GLDN: variants seen among roughly 807,000 people sequenced by gnomAD.
The protein encoded by GLDN is collomin.
Under a neutral mutation model 56.5 loss-of-function variants are expected in GLDN, and 47 were observed. That is an observed-to-expected ratio of 0.83 (90% CI 0.66 to 1.06). The LOEUF (loss-of-function observed/expected upper bound fraction) is 1.06. Ranked by LOEUF, GLDN falls within the 50% of genes least tolerant of loss-of-function variation. The probability of loss-of-function intolerance (pLI) is 0.00; values close to 1 mark genes in which losing one functional copy is unlikely to be tolerated. For synonymous variants in GLDN, 332 were observed against 278.8 expected (o/e 1.19, Z -1.90); for missense variants, 782 against 714.3 (o/e 1.09, Z -1.08).
chr15:51,342,139 C>T, intron 1 of GLDN, 92 bp downstream of exon 1: 2 of 1,148,494 alleles, frequency 1.7e-6, no homozygotes, highest in Non-Finnish European at 2.3e-6. Flanking sequence ...CTCCCCTGGC[C>T]AGGCTGCGAG....
At chr15:51,353,821 A>G (rs2037124709) in intron 1 of GLDN, among the ~76,000 whole-genome samples, 1 of 151,788 alleles carries the variant, frequency 6.6e-6, no homozygotes, top group African/African-American at 2.4e-5. Context: ...ACCACACACA[A>G]AAAAGAAATT....
Position 51,390,577 on chromosome 15 carries a change from C to T in GLDN, c.542-4258C>T, listed in dbSNP as rs541948952. ...AAAAACAGAAATGAAAGCCCTCCTC[C>T]GTATTTGTGTCTCAGGACTGGGTTT... On this transcript the variant is annotated intron_variant, in intron 4 of 9. Transcript: ENST00000335449. Among the ~76,000 whole-genome samples, 24 of 152,264 alleles carry T rather than the reference C, an allele frequency of 1.6e-4. No individual in the cohort carries two copies. The South Asian group carries it at 1.7e-3, about 11-fold the overall frequency.
At position 51,341,724 on chromosome 15, in the gene GLDN, TG is replaced by T; in HGVS notation, c.44del (p.Gly15AlafsTer30). 1 of 1,446,938 alleles carries T rather than the reference TG, an allele frequency of 6.9e-7. No individual in the cohort carries two copies. 89.6% of individuals were successfully genotyped at this position (1,446,938 alleles called of 1,614,324 possible). A position where few individuals can be genotyped will look rare whatever the true frequency, so the allele number is the denominator to read the frequency against. On this transcript the variant is annotated frameshift_variant, in exon 1 of 10. Coordinates refer to ENST00000335449, the MANE Select transcript of GLDN (RefSeq NM_181789.4). LOFTEE classifies it high-confidence loss of function. ...GAEGGRGDAGWGLRGALAAVA... is the reference protein window; with the variant it reads ...GAEGGRGDAGXGLRGALAAVA... ...TGAGGGAGGCCGTGGGGACGCGGGT[TG>T]GGGCCTGCGTGGCGCCCTGGCGGCC...
At chr15:51,403,438 T>C (rs1436400775) in intron 9 of GLDN, among the ~76,000 whole-genome samples, 1 of 152,236 alleles carries the variant, frequency 6.6e-6, no homozygotes, top group East Asian at 1.9e-4. Context: ...ACACAGTTCA[T>C]GTTTCTTCTG....
intron 2 of GLDN, among the ~76,000 whole-genome samples, chr15:51,383,002 C>T (rs1367698316): frequency 6.6e-6 from 1 of 152,154 alleles, no homozygotes; most frequent in African/African-American, 2.4e-5. Context: ...CCCCCAGTGG[C>T]TCAGATGAGA....
chr15:51,357,983 C>G lies in GLDN; in HGVS notation c.363+15936C>G, dbSNP rs551913543. 4.6e-5 allele frequency among the ~76,000 whole-genome samples: 7 copies of G among 152,190 alleles called. No homozygotes were observed. In the East Asian group the frequency reaches 1.2e-3, roughly 25 times the overall value. On this transcript the variant is annotated intron_variant, in intron 1 of 9. Coordinates refer to ENST00000335449, the MANE Select transcript of GLDN (RefSeq NM_181789.4). ...CGTACCCTGTACCCTAGGCACTATC[C>G]GGGACATCAAAAGGCGTGTCAGTGG...
At chr15:51,411,878 A>G (rs1293463332), downstream of GLDN, among the ~76,000 whole-genome samples, 2 of 152,258 alleles carry the variant, frequency 1.3e-5, no homozygotes, top group African/African-American at 4.8e-5. Context: ...ATGCTACCTC[A>G]AATTGTACTT....
rs564149699 is a variant in GLDN, at chr15:51,377,313, G to A, written c.364-136G>A. 35 of 647,270 alleles carry A rather than the reference G, an allele frequency of 5.4e-5. 1 individual carries two copies. Among genetic ancestry groups the A allele is most frequent in the South Asian group, 3.1e-4 (16 of 52,280 alleles). 40.1% of individuals were successfully genotyped at this position (647,270 alleles called of 1,614,324 possible). On this transcript the variant is annotated intron_variant, in intron 1 of 9. Transcript: ENST00000335449. ...GCATCACTAGGTGGGACATCACTGC[G>A]TTTTCCTTGAACTTCCGCGGGTTCT...
At position 51,361,249 on chromosome 15, in the gene GLDN, T is replaced by A. The variant is rs147641157; in HGVS notation, c.364-16200T>A. 1.6e-4 allele frequency among the ~76,000 whole-genome samples: 24 copies of A among 152,322 alleles called. 1 individual carries two copies. The highest frequency in any genetic ancestry group is 5.3e-4 in the African/African-American group (22 of 41,570). On this transcript the variant is annotated intron_variant, in intron 1 of 9. Coordinates refer to ENST00000335449, the MANE Select transcript of GLDN (RefSeq NM_181789.4). ...CTTATTTGTGTCATACAACTCAAAC[T>A]TTGGTTTTCTACAATTTTGGCCTCT...
chr15:51,386,394 G>T (rs2037894223), intron 4 of GLDN, among the ~76,000 whole-genome samples: 1 of 152,134 alleles, frequency 6.6e-6, no homozygotes, highest in Non-Finnish European at 1.5e-5. Flanking sequence ...CACTGCTGAG[G>T]CCCCGAGGCT....
At chr15:51,377,020 A>G (rs973332715) in intron 1 of GLDN, among the ~76,000 whole-genome samples, 1 of 152,216 alleles carries the variant, frequency 6.6e-6, no homozygotes, top group East Asian at 1.9e-4. Context: ...TCAGCTGGAA[A>G]CTTTTTAAAA....
intron 1 of GLDN, among the ~76,000 whole-genome samples, chr15:51,349,077 T>C (rs2037029816): frequency 6.6e-6 from 1 of 152,260 alleles, no homozygotes; most frequent in Non-Finnish European, 1.5e-5. Flanking sequence ...TTCAAAAGCA[T>C]GTACTCCCGA....
At chr15:51,351,287 A>C (rs1222586377) in intron 1 of GLDN, 1 of 161,296 alleles carries the variant, frequency 6.2e-6, no homozygotes, top group Non-Finnish European at 1.4e-5. Flanking sequence ...CCGGGATTAC[A>C]GGCATGAGTC....
intron 1 of GLDN, among the ~76,000 whole-genome samples, chr15:51,350,651 C>T (rs946782199): frequency 6.6e-6 from 1 of 152,162 alleles, no homozygotes; most frequent in Non-Finnish European, 1.5e-5. Context: ...GGGAACACAC[C>T]TATAAGCCTA....
chr15:51,413,354 C>A, the GLDN span, among the ~76,000 whole-genome samples: 2 of 152,106 alleles, frequency 1.3e-5, no homozygotes, highest in African/African-American at 4.8e-5. Flanking sequence ...CTTAAGAAGC[C>A]AAAAAATCAG....
Position 51,368,719 on chromosome 15 carries a change from A to G in GLDN, c.364-8730A>G, listed in dbSNP as rs968953257. On this transcript the variant is annotated intron_variant, in intron 1 of 9. Transcript: ENST00000335449. ...TTACAGCAGTTACAGCTCAGTTTCA[A>G]GAGCATAAAGGAGGAAGCGTTTTGG... Among the ~76,000 whole-genome samples the G allele has an allele frequency of 2.6e-5, 4 of 152,280 alleles. No individual in the cohort carries two copies. The South Asian group carries it at 6.2e-4, about 24-fold the overall frequency.
intron 1 of GLDN, among the ~76,000 whole-genome samples, chr15:51,347,618 C>A (rs1407765021): frequency 6.6e-6 from 1 of 152,198 alleles, no homozygotes; most frequent in Non-Finnish European, 1.5e-5. Context: ...TCTTGCATTG[C>A]TGTTCGGAGT....
At chr15:51,366,361 G>A (rs1015283594) in intron 1 of GLDN, among the ~76,000 whole-genome samples, 9 of 152,200 alleles carry the variant, frequency 5.9e-5, no homozygotes, top group African/African-American at 9.6e-5. Flanking sequence ...ACTGAGTGGC[G>A]GTTGCTTGAA....
chr15:51,393,428 T>TC (rs1334152588), intron 4 of GLDN, among the ~76,000 whole-genome samples: 6 of 152,212 alleles, frequency 3.9e-5, no homozygotes, highest in Non-Finnish European at 8.8e-5. Flanking sequence ...TGATGAGATT[T>TC]CCCCATGGTG....
Sources: gnomAD v4.1 joint callset for allele counts (sites outside exome capture counted in the v4.1 genomes callset) on GRCh38, gnomAD v4.1.1 for gene constraint, MANE v1.5 for transcripts, NCBI Gene and HGNC (gene_info 2026-07-23, HGNC 2026-07-21) for gene names.